The following GRM1 variants were observed in gnomAD, a reference collection of about 807,000 sequenced individuals.
The protein encoded by GRM1 is metabotropic glutamate receptor 1.
A neutral mutation model predicts 90.9 loss-of-function variants in GRM1; 33 were observed. That is an observed-to-expected ratio of 0.36 (90% CI 0.28 to 0.49). The LOEUF (loss-of-function observed/expected upper bound fraction) is 0.49. Ranked by LOEUF, GRM1 falls within the 20% of genes least tolerant of loss-of-function variation. GRM1 has a pLI of 0.99. For missense variants in GRM1, 1,190 were observed against 1,534.3 expected (o/e 0.78, Z 3.75); for synonymous variants, 700 against 613.2 (o/e 1.14, Z -2.09).
At chr6:146,092,320 G>T (rs1195768529) in intron 1 of GRM1, among the ~76,000 whole-genome samples, 1 of 151,994 alleles carries the variant, frequency 6.6e-6, no homozygotes, top group Non-Finnish European at 1.5e-5. Context: ...CACTCCTACT[G>T]GGGACTAGGG....
chr6:146,219,789 G>GGAAGAATAAA (rs1487795954), intron 2 of GRM1, among the ~76,000 whole-genome samples: 1 of 151,998 alleles, frequency 6.6e-6, no homozygotes, highest in Non-Finnish European at 1.5e-5. Context: ...GTAGGACAGG[G>GGAAGAATAAA]GCTTTCTTTG....
intron 5 of GRM1, among the ~76,000 whole-genome samples, chr6:146,362,900 A>G (rs1218941436): frequency 6.6e-6 from 1 of 152,152 alleles, no homozygotes; most frequent in Non-Finnish European, 1.5e-5. Context: ...CAAAGGGAAC[A>G]TGATCATTCT....
chr6:146,407,019 A>C (rs1255736130), intron 7 of GRM1, among the ~76,000 whole-genome samples: 1 of 152,236 alleles, frequency 6.6e-6, no homozygotes, highest in Non-Finnish European at 1.5e-5. Flanking sequence ...CTAGGTGGCC[A>C]GCGCAAGGAT....
chr6:146,196,375 C>T (rs1420506717), intron 2 of GRM1, among the ~76,000 whole-genome samples: 1 of 151,452 alleles, frequency 6.6e-6, no homozygotes, highest in Admixed American at 6.6e-5. Flanking sequence ...GCAAGCCCCA[C>T]CTCCCAGGTT....
intron 5 of GRM1, among the ~76,000 whole-genome samples, chr6:146,379,400 A>G (rs1437314826): frequency 6.6e-6 from 1 of 151,928 alleles, no homozygotes; most frequent in Non-Finnish European, 1.5e-5. Flanking sequence ...TGCATTTTTC[A>G]GATCCAGAAT....
At chr6:146,300,241 T>C (rs1783325144) in intron 2 of GRM1, among the ~76,000 whole-genome samples, 1 of 152,254 alleles carries the variant, frequency 6.6e-6, no homozygotes, top group South Asian at 2.1e-4. Context: ...AATAGGTTTT[T>C]CTAAAATGTT....
intron 2 of GRM1, among the ~76,000 whole-genome samples, chr6:146,225,668 C>A (rs957335713): frequency 1.3e-5 from 2 of 151,934 alleles, no homozygotes; most frequent in African/African-American, 4.8e-5. Context: ...TAAATTAACA[C>A]CAAATTTAAT....
intron 2 of GRM1, among the ~76,000 whole-genome samples, chr6:146,257,594 C>T (rs9497512): frequency 0.029 from 4,467 of 151,808 alleles, 235 homozygotes; most frequent in African/African-American, 0.1. Flanking sequence ...AATTGACTTA[C>T]GTAATTATAA....
intron 3 of GRM1, among the ~76,000 whole-genome samples, chr6:146,314,094 T>C (rs1190786566): frequency 7.6e-5 from 9 of 118,640 alleles, no homozygotes; most frequent in African/African-American, 2.7e-4. Flanking sequence ...GGAGACAGAG[T>C]CTTGCTCTGT....
At chr6:146,414,377 T>TTTTTTATTATTATTATTA (rs139509383) in intron 7 of GRM1, among the ~76,000 whole-genome samples, 4 of 145,344 alleles carry the variant, frequency 2.8e-5, no homozygotes, top group Non-Finnish European at 4.5e-5. Context: ...CCGTTTGCCT[T>TTTTTTATTATTATTATTA]TTATTATTAT....
intron 2 of GRM1, among the ~76,000 whole-genome samples, chr6:146,237,317 T>C (rs1780684345): frequency 6.6e-6 from 1 of 152,116 alleles, no homozygotes. Flanking sequence ...CTCTCATGCA[T>C]TTTGCTGAAA....
chr6:146,220,387 G>A (rs1351320205), intron 2 of GRM1, among the ~76,000 whole-genome samples: 2 of 152,116 alleles, frequency 1.3e-5, no homozygotes, highest in Non-Finnish European at 1.5e-5. Context: ...AAGATTGTCA[G>A]AGTATGCTAT....
At chr6:146,325,707 T>C (rs975608170) in intron 3 of GRM1, among the ~76,000 whole-genome samples, 6 of 152,210 alleles carry the variant, frequency 3.9e-5, no homozygotes, top group Non-Finnish European at 7.3e-5. Flanking sequence ...CATTATACTT[T>C]TCAAATCCTT....
chr6:146,027,737 C>T (rs903058994), upstream of GRM1: 6 of 152,326 alleles, frequency 3.9e-5, no homozygotes, highest in Non-Finnish European at 7.3e-5. Context: ...CCGAGCGTGG[C>T]CACGGTCCTC....
intron 2 of GRM1, among the ~76,000 whole-genome samples, chr6:146,167,249 A>G (rs1777942518): frequency 6.6e-6 from 1 of 152,138 alleles, no homozygotes; most frequent in African/African-American, 2.4e-5. Flanking sequence ...GTAGGATTCC[A>G]TGGCATAGAT....
chr6:146,156,471 T>C lies in GRM1; in HGVS notation c.701-2877T>C, dbSNP rs751346168. 4.6e-5 allele frequency among the ~76,000 whole-genome samples: 7 copies of C among 152,314 alleles called. No individual in the cohort carries two copies. The South Asian group carries it at 1.4e-3, about 32-fold the overall frequency. ...TGCCAGCTTCCTGGGAGGCAGTACC[T>C]GGTCTTCCTTCTTGTGGACCTTAGC... On this transcript the variant is annotated intron_variant, in intron 1 of 7. Coordinates refer to ENST00000282753, the MANE Select transcript of GRM1 (RefSeq NM_001278064.2).
intron 2 of GRM1, among the ~76,000 whole-genome samples, chr6:146,197,306 T>G (rs181578448): frequency 9.0e-4 from 137 of 152,358 alleles, no homozygotes; most frequent in African/African-American, 3.2e-3. Context: ...AACTTGAGAT[T>G]AGACAAAATT....
chr6:146,326,153 A>C (rs1281897053), intron 3 of GRM1, among the ~76,000 whole-genome samples: 3 of 152,232 alleles, frequency 2.0e-5, no homozygotes, highest in Admixed American at 2.0e-4. Context: ...CTTATAAATC[A>C]CAGTTTTTCA....
chr6:146,077,911 G>A (rs1227778129), intron 1 of GRM1, among the ~76,000 whole-genome samples: 1 of 152,114 alleles, frequency 6.6e-6, no homozygotes. Flanking sequence ...TGAGCCAGGA[G>A]GGCAGCTAAT....
Sources: gnomAD v4.1 joint callset for allele counts (sites outside exome capture counted in the v4.1 genomes callset) on GRCh38, gnomAD v4.1.1 for gene constraint, MANE v1.5 for transcripts, NCBI Gene and HGNC (gene_info 2026-07-23, HGNC 2026-07-21) for gene names.